TRIO: variants seen among roughly 807,000 people sequenced by gnomAD.
TRIO encodes triple functional domain protein.
In TRIO, 58 loss-of-function variants were observed where a neutral mutation model predicts 351.9. That is an observed-to-expected ratio of 0.16 (90% CI 0.13 to 0.21). TRIO has a LOEUF of 0.21. Among genes scored for constraint, TRIO ranks in the 10% least tolerant of loss-of-function variants. The pLI is 1.00. For synonymous variants in TRIO, 1,758 were observed against 1,595.7 expected, an observed-to-expected ratio of 1.10 and a Z score of -2.42; for missense variants, 3,201 against 4,027.8, an observed-to-expected ratio of 0.79 and a Z score of 5.56.
intron 54 of TRIO, among the ~76,000 whole-genome samples, chr5:14,504,133 AGTGC>A (rs1465936776): frequency 6.6e-6 from 1 of 152,196 alleles, no homozygotes; most frequent in African/African-American, 2.4e-5. Context: ...CACCACACGC[AGTGC>A]TGGGAAAGCA....
rs1310109027 is a variant in TRIO, at chr5:14,291,100, C to T, written c.925C>T (p.Pro309Ser). 1.2e-6 allele frequency: 2 copies of T among 1,614,206 alleles called. No individual in the cohort carries two copies. Among genetic ancestry groups the T allele is most frequent in the Non-Finnish European group, 1.7e-6 (2 of 1,180,052 alleles). Residue 309 changes from proline to serine, a missense_variant, in exon 5 of 57, where the codon CCC becomes TCC. Around this residue, in one of 19 missense-constraint regions of TRIO, gnomAD observed 349 missense variants for 449.3 expected, o/e 0.78. Transcript: ENST00000344204. ...SGNADLQNLL[P>S]KVSTMLDRLH... ...CAATGCGGACCTGCAGAACCTCTTGCCCAAGGTGTCCACCATGCTGGACCG... is the reference window on the plus strand; with the variant it reads ...CAATGCGGACCTGCAGAACCTCTTGTCCAAGGTGTCCACCATGCTGGACCG...
intron 33 of TRIO, among the ~76,000 whole-genome samples, chr5:14,410,890 C>G (rs1259948408): frequency 6.6e-6 from 1 of 152,228 alleles, no homozygotes; most frequent in Non-Finnish European, 1.5e-5. Context: ...TTGAAAACAT[C>G]AGTTTTAAAA....
chr5:14,242,570 C>T (rs981379427), intron 1 of TRIO, among the ~76,000 whole-genome samples: 2 of 152,186 alleles, frequency 1.3e-5, no homozygotes, highest in African/African-American at 4.8e-5. Context: ...AAGATGGTAA[C>T]ATGCTCCCCA....
chr5:14,292,892 C>T, intron 5 of TRIO, 120 bp from the exon 6 acceptor site: 2 of 1,393,784 alleles, frequency 1.4e-6, no homozygotes, highest in Non-Finnish European at 2.0e-6. Flanking sequence ...GAGAATCAGA[C>T]AGCGCTTGAA....
chr5:14,455,265 G>A lies in TRIO; in HGVS notation c.5204-5754G>A, dbSNP rs538407968. On this transcript the variant is annotated intron_variant, in intron 34 of 56. Coordinates refer to ENST00000344204, the MANE Select transcript of TRIO (RefSeq NM_007118.4). The stretch of plus-strand genomic sequence containing the variant: ...TGATTGGTCCATTTTGCAGAGAGCC[G>A]ATTCGCCGATTTTACAGAGAGCTGA... Among the ~76,000 whole-genome samples the A allele has an allele frequency of 3.9e-5, 6 of 152,286 alleles. 1 individual carries two copies. Among genetic ancestry groups the A allele is most frequent in the East Asian group, 1.9e-4 (1 of 5,180 alleles).
rs1579486766 is a variant in TRIO, at chr5:14,381,448, T to C, written c.3570+196T>C. Among the ~76,000 whole-genome samples the C allele has an allele frequency of 2.0e-5, 3 of 152,310 alleles. No homozygotes were observed. In the East Asian group the frequency reaches 5.8e-4, roughly 29 times the overall value. On this transcript the variant is annotated intron_variant, in intron 21 of 56. Transcript: ENST00000344204. Reference sequence around the variant, plus strand: ...CACCTCCTCCCTTCATCTGTGTCCTTTGTCCCTCTGATGTCTGTGAATACG... The same window carrying C: ...CACCTCCTCCCTTCATCTGTGTCCTCTGTCCCTCTGATGTCTGTGAATACG...
At position 14,465,570 on chromosome 5, in the gene TRIO, C is replaced by T; in HGVS notation, c.5693C>T (p.Pro1898Leu). 5 of 1,614,142 alleles carry T rather than the reference C, an allele frequency of 3.1e-6. No homozygotes were observed. Among genetic ancestry groups the T allele is most frequent in the East Asian group, 2.2e-5 (1 of 44,876 alleles). ...DKASSRLLVR[P>L]TSSETPSAAE... ...GCCTCTTCTCGGTTATTAGTCCGCCCCACCAGCTCCGAAACACCGAGTGCA... is the reference window on the plus strand; with the variant it reads ...GCCTCTTCTCGGTTATTAGTCCGCCTCACCAGCTCCGAAACACCGAGTGCA... The change falls in exon 37 of 57, where the codon CCC becomes CTC. Residue 1898 changes from proline (P) to leucine (L), a missense_variant. Transcript: ENST00000344204.
intron 1 of TRIO, among the ~76,000 whole-genome samples, chr5:14,225,790 C>A (rs1792958775): frequency 1.3e-5 from 1 of 79,228 alleles, no homozygotes; most frequent in African/African-American, 5.5e-5. Flanking sequence ...TTCACTGCTC[C>A]CACCCCCCCC....
chr5:14,342,604 C>T (rs1273609279), intron 11 of TRIO, among the ~76,000 whole-genome samples: 4 of 152,216 alleles, frequency 2.6e-5, no homozygotes, highest in African/African-American at 7.2e-5. Flanking sequence ...GTCTCTCATG[C>T]GCCCTGGATT....
At chr5:14,267,232 C>G (rs1052682599) in intron 1 of TRIO, among the ~76,000 whole-genome samples, 2 of 152,110 alleles carry the variant, frequency 1.3e-5, no homozygotes, top group Non-Finnish European at 2.9e-5. Context: ...CTCTTTGTGG[C>G]ACCCCCTTCC....
At chr5:14,262,417 A>G (rs771066631) in intron 1 of TRIO, among the ~76,000 whole-genome samples, 3 of 151,888 alleles carry the variant, frequency 2.0e-5, no homozygotes, top group African/African-American at 7.3e-5. Flanking sequence ...GCCTGGGGAG[A>G]TGGTAATGAT....
At chr5:14,270,025 A>G (rs932103630) in intron 1 of TRIO, among the ~76,000 whole-genome samples, 1 of 152,176 alleles carries the variant, frequency 6.6e-6, no homozygotes, top group Non-Finnish European at 1.5e-5. Context: ...TTGGACCCCA[A>G]ATTCCCACGT....
At chr5:14,239,444 A>G (rs1793994969) in intron 1 of TRIO, among the ~76,000 whole-genome samples, 1 of 152,214 alleles carries the variant, frequency 6.6e-6, no homozygotes, top group Non-Finnish European at 1.5e-5. Context: ...GCACAGCAAC[A>G]TGGGAGAAAT....
intron 33 of TRIO, among the ~76,000 whole-genome samples, chr5:14,418,580 A>T (rs1384645145): frequency 1.3e-5 from 2 of 152,184 alleles, no homozygotes; most frequent in East Asian, 3.9e-4. Flanking sequence ...AGGGGGTGGG[A>T]GGGCATGATG....
At chr5:14,385,253 G>A (rs1746439885) in intron 21 of TRIO, among the ~76,000 whole-genome samples, 1 of 152,220 alleles carries the variant, frequency 6.6e-6, no homozygotes, top group Admixed American at 6.5e-5. Context: ...TGTTACGGCA[G>A]CAGCACTCAG....
intron 1 of TRIO, among the ~76,000 whole-genome samples, chr5:14,214,382 A>G (rs965766927): frequency 6.6e-6 from 1 of 152,188 alleles, no homozygotes. Context: ...TGTTTGTCCA[A>G]GACTCACAGA....
At chr5:14,375,187 G>C (rs986283744) in intron 19 of TRIO, among the ~76,000 whole-genome samples, 2 of 152,124 alleles carry the variant, frequency 1.3e-5, no homozygotes, top group African/African-American at 4.8e-5. Context: ...ATTTATTGAT[G>C]GGCTTTTTCT....
chr5:14,420,962 A>T (rs1052863362), intron 34 of TRIO, among the ~76,000 whole-genome samples: 1 of 152,200 alleles, frequency 6.6e-6, no homozygotes, highest in Non-Finnish European at 1.5e-5. Flanking sequence ...CATTCATCAC[A>T]CTTGGCTTCG....
In TRIO at chr5:14,479,954, C is replaced by T; in HGVS notation, c.6279C>T (p.Leu2093=). The change falls in exon 43 of 57, where the codon CTC becomes CTT. Residue 2093 remains leucine (L), a synonymous_variant. Transcript: ENST00000344204. The part of the protein sequence containing the change: ...LKQRLGHRLQ[L]TDLLIKPVQR... ...AGCGTCTTGGCCACAGGTTACAGCT[C>T]ACAGATCTGTTGATCAAACCAGTGC... 1 of 1,614,132 alleles carries T rather than the reference C, an allele frequency of 6.2e-7. No individual in the cohort carries two copies. Among genetic ancestry groups the T allele is most frequent in the Non-Finnish European group, 8.5e-7 (1 of 1,179,976 alleles).
Sources: allele counts gnomAD v4.1 joint callset (sites outside exome capture counted in the v4.1 genomes callset), GRCh38; gene constraint gnomAD v4.1.1; regional missense constraint gnomAD v4.1.1; transcripts MANE v1.5; gene names NCBI Gene and HGNC (gene_info 2026-07-23, HGNC 2026-07-21).